Variants in IL1RN observed in about 807,000 individuals in gnomAD.
The protein encoded by IL1RN is interleukin 1 receptor antagonist.
A neutral mutation model predicts 13.7 loss-of-function variants in IL1RN; 10 were observed. The ratio of observed to expected loss-of-function variants is 0.73; its 90% CI spans 0.45 to 1.24. The LOEUF (loss-of-function observed/expected upper bound fraction) is 1.24, where lower values mean the gene tolerates loss of function less well. Among genes scored for constraint, IL1RN ranks in the 50% most tolerant of loss-of-function variants. IL1RN has a pLI of 0.00. For synonymous variants in IL1RN, 102 were observed against 82.7 expected (o/e 1.23, Z -1.27); for missense variants, 213 against 222.1 (o/e 0.96, Z 0.26).
At chr2:113,123,262 G>A (rs1465232359), upstream of IL1RN, among the ~76,000 whole-genome samples, 2 of 152,238 alleles carry the variant, frequency 1.3e-5, no homozygotes, top group Admixed American at 1.3e-4. Flanking sequence ...GGAGGCATCA[G>A]AGAATGGCCA....
intron 2 of IL1RN, among the ~76,000 whole-genome samples, chr2:113,122,160 G>T (rs1194348960): frequency 6.6e-6 from 1 of 152,212 alleles, no homozygotes; most frequent in Non-Finnish European, 1.5e-5. Flanking sequence ...ACCCAAGCTG[G>T]ATGCCAACAT....
chr2:113,129,588 T>C lies in IL1RN; in HGVS notation c.129T>C (p.Val43=), dbSNP rs781464453. 3 of 1,609,380 alleles carry C rather than the reference T, an allele frequency of 1.9e-6. No homozygotes were observed. The highest frequency in any genetic ancestry group is 2.2e-5 in the South Asian group (2 of 90,986). ...SKMQAFRIWD[V]NQKTFYLRNN... ...TTTTCCTTTTCAGAATCTGGGATGTTAACCAGAAGACCTTCTATCTGAGGA... is the reference window on the plus strand; with the variant it reads ...TTTTCCTTTTCAGAATCTGGGATGTCAACCAGAAGACCTTCTATCTGAGGA... Residue 43 remains valine (V), a synonymous_variant, in exon 2 of 4, where the codon GTT becomes GTC. Transcript: ENST00000409930.
At position 113,131,017 on chromosome 2, in the gene IL1RN, C is replaced by T. The variant is rs375711132; in HGVS notation, c.206-28C>T. 1.7e-5 allele frequency: 24 copies of T among 1,387,048 alleles called. No individual in the cohort carries two copies. In the African/African-American group the frequency reaches 2.6e-4, roughly 15 times the overall value. The allele number at this position is 1,387,048 out of a possible 1,614,324, so 85.9% of individuals were successfully genotyped here. On this transcript the variant is annotated intron_variant, in intron 2 of 3. Transcript: ENST00000409930. ...TTATTGCTGCTTCCTCTTCTATTAA[C>T]CTGACCCTCCCCTCTGTTCTTCCCC...
At chr2:113,126,158 A>T (rs971379209), upstream of IL1RN, among the ~76,000 whole-genome samples, 8 of 151,804 alleles carry the variant, frequency 5.3e-5, no homozygotes, top group African/African-American at 1.7e-4. Context: ...CCAAGGAGAC[A>T]TTTTTTTTGT....
Position 113,129,613 on chromosome 2 carries a change from AAC to A in IL1RN, c.156_157del (p.Asn52LysfsTer25), listed in dbSNP as rs672601268. ...TAACCAGAAGACCTTCTATCTGAGGAACAACCAACTAGTTGCTGGATACTTGC... is the reference window on the plus strand; with the variant it reads ...TAACCAGAAGACCTTCTATCTGAGGAAACCAACTAGTTGCTGGATACTTGC... ...DVNQKTFYLR[N>X]NQLVAGYLQG... On this transcript the variant is annotated frameshift_variant, in exon 2 of 4. Transcript: ENST00000409930. LOFTEE classifies it high-confidence loss of function. 8 of 1,613,420 alleles carry A rather than the reference AAC, an allele frequency of 5.0e-6. No homozygotes were observed. Among genetic ancestry groups the A allele is most frequent in the Non-Finnish European group, 5.9e-6 (7 of 1,179,272 alleles).
At chr2:113,127,852 CT>C in intron 1 of IL1RN, 112 bp downstream of exon 1, 1 of 1,004,340 alleles carries the variant, frequency 1.0e-6, no homozygotes, top group Non-Finnish European at 1.5e-6. Context: ...TGGGTTTGGG[CT>C]GGAGAGGATG....
upstream of IL1RN, among the ~76,000 whole-genome samples, chr2:113,102,874 A>G (rs1197659652): frequency 6.6e-6 from 1 of 152,146 alleles, no homozygotes; most frequent in Non-Finnish European, 1.5e-5. Flanking sequence ...TTCTTTTGTG[A>G]TTCTTCACTT....
chr2:113,102,038 A>G, the IL1RN span, among the ~76,000 whole-genome samples: 1 of 152,192 alleles, frequency 6.6e-6, no homozygotes, highest in Non-Finnish European at 1.5e-5. Context: ...AAGTGCTGGG[A>G]TTACAGGTGT....
chr2:113,116,496 C>A (rs920294265), upstream of IL1RN, among the ~76,000 whole-genome samples: 1 of 149,820 alleles, frequency 6.7e-6, no homozygotes, highest in African/African-American at 2.5e-5. Flanking sequence ...CCAGGCGGGG[C>A]GGGGGGTGGG....
chr2:113,130,385 G>C (rs1399942095), intron 2 of IL1RN, among the ~76,000 whole-genome samples: 1 of 152,230 alleles, frequency 6.6e-6, no homozygotes. Context: ...AGGAAGCTGA[G>C]ATTTTTGTTG....
chr2:113,127,499 G>A (rs2104451453), upstream of IL1RN: 1 of 1,457,668 alleles, frequency 6.9e-7, no homozygotes, highest in South Asian at 1.4e-5. Flanking sequence ...GAAATGCGAG[G>A]AGGGTATTTC....
upstream of IL1RN, chr2:113,127,386 T>A: frequency 1.2e-6 from 1 of 852,216 alleles, no homozygotes; most frequent in Non-Finnish European, 1.4e-6. Flanking sequence ...ATCTTAATTT[T>A]GGGGAAATTG....
At chr2:113,102,269 G>A (rs58036696), upstream of IL1RN, among the ~76,000 whole-genome samples, 18,084 of 152,154 alleles carry the variant, frequency 0.12, 1,278 homozygotes, top group East Asian at 0.28. Context: ...GTGCAGGCAC[G>A]GGGACAGTGA....
At chr2:113,127,566 T>C (rs943352537), upstream of IL1RN, 6 of 1,596,894 alleles carry the variant, frequency 3.8e-6, no homozygotes, top group Admixed American at 8.6e-5. Context: ...TGACTATTTC[T>C]TTATAAACCA....
At chr2:113,112,639 A>G (rs186125768) in intron 1 of IL1RN, among the ~76,000 whole-genome samples, 1 of 152,136 alleles carries the variant, frequency 6.6e-6, no homozygotes, top group East Asian at 1.9e-4. Flanking sequence ...GGGGCTTCTC[A>G]CCGTTCCTCT....
At chr2:113,100,434 A>T in the IL1RN span, among the ~76,000 whole-genome samples, 6 of 152,214 alleles carry the variant, frequency 3.9e-5, no homozygotes, top group Non-Finnish European at 8.8e-5. Flanking sequence ...CAAGAGAAGC[A>T]GCAAATGACA....
intron 2 of IL1RN, among the ~76,000 whole-genome samples, chr2:113,122,313 G>A (rs1686806443): frequency 6.6e-6 from 1 of 152,158 alleles, no homozygotes; most frequent in African/African-American, 2.4e-5. Flanking sequence ...AACTTGTGGG[G>A]TGAGCCATTT....
upstream of IL1RN, among the ~76,000 whole-genome samples, chr2:113,106,755 A>G (rs572891392): frequency 2.6e-5 from 4 of 152,330 alleles, no homozygotes; most frequent in Admixed American, 2.0e-4. Context: ...TAAAACAAAA[A>G]TAGTAGACTG....
chr2:113,099,944 C>T, the IL1RN span, among the ~76,000 whole-genome samples: 2 of 141,316 alleles, frequency 1.4e-5, no homozygotes, highest in Non-Finnish European at 3.1e-5. Flanking sequence ...CCGTGTTAGC[C>T]AGGATGGTCT....
Sources: allele counts gnomAD v4.1 joint callset (sites outside exome capture counted in the v4.1 genomes callset), GRCh38; gene constraint gnomAD v4.1.1; transcripts MANE v1.5; gene names NCBI Gene and HGNC (gene_info 2026-07-23, HGNC 2026-07-21).